Variants in NSMCE2 observed in about 807,000 individuals in gnomAD.
NSMCE2 encodes the protein NSE2 SUMO ligase component of SMC5/6 complex, also known as E3 SUMO-protein ligase NSE2.
NSMCE2 carries 24 observed loss-of-function variants against 23.8 expected under a neutral mutation model. That is an observed-to-expected ratio of 1.01 (90% CI 0.73 to 1.42). NSMCE2 has a LOEUF of 1.42. Ranked by LOEUF, NSMCE2 falls within the 40% of genes most tolerant of loss-of-function variation. The pLI, the probability that NSMCE2 is intolerant of heterozygous loss-of-function variation, is 0.00. For missense variants in NSMCE2, 284 were observed against 296.5 expected (o/e 0.96, Z 0.31); for synonymous variants, 92 against 94.1 (o/e 0.98, Z 0.13).
chr8:125,287,681 T>C (rs972618500), intron 5 of NSMCE2, among the ~76,000 whole-genome samples: 1 of 152,154 alleles, frequency 6.6e-6, no homozygotes. Context: ...GATTGTCCCG[T>C]GTCTAGCTAA....
chr8:125,296,072 G>A (rs1005253873), intron 5 of NSMCE2, among the ~76,000 whole-genome samples: 5 of 152,060 alleles, frequency 3.3e-5, no homozygotes, highest in African/African-American at 7.2e-5. Flanking sequence ...AAAAAAAATA[G>A]CTAGCACTTA....
At chr8:125,218,793 CA>C (rs1824717662) in intron 5 of NSMCE2, among the ~76,000 whole-genome samples, 2 of 152,038 alleles carry the variant, frequency 1.3e-5, no homozygotes, top group Non-Finnish European at 2.9e-5. Context: ...TGTTTCGCAA[CA>C]ACATGAATAA....
intron 4 of NSMCE2, among the ~76,000 whole-genome samples, chr8:125,162,516 A>G (rs573933427): frequency 9.9e-5 from 15 of 152,282 alleles, no homozygotes; most frequent in African/African-American, 3.4e-4. Context: ...TGCCCACTGA[A>G]TAGCTGTGTG....
At chr8:125,340,012 G>GTTTTTT (rs752038710) in intron 5 of NSMCE2, among the ~76,000 whole-genome samples, 20 of 102,850 alleles carry the variant, frequency 1.9e-4, no homozygotes, top group East Asian at 3.0e-4. Flanking sequence ...GTTTTTTTTT[G>GTTTTTT]TTTTTTTTTT....
chr8:125,156,202 T>G (rs1358975180), intron 4 of NSMCE2: 1 of 194,404 alleles, frequency 5.1e-6, no homozygotes, highest in African/African-American at 2.4e-5. Flanking sequence ...ATACTTCAGC[T>G]TTTATTGTTT....
At chr8:125,149,878 G>A (rs1281864536) in intron 3 of NSMCE2, among the ~76,000 whole-genome samples, 1 of 151,934 alleles carries the variant, frequency 6.6e-6, no homozygotes, top group Non-Finnish European at 1.5e-5. Flanking sequence ...TTTTGTTTCA[G>A]CCTTTTCTCC....
At position 125,242,104 on chromosome 8, in the gene NSMCE2, T is replaced by TG. The variant is rs944801179; in HGVS notation, c.418+59856dup. Among the ~76,000 whole-genome samples, 107 of 148,934 alleles carry TG rather than the reference T, an allele frequency of 7.2e-4. 1 individual carries two copies. The highest frequency in any genetic ancestry group is 3.5e-3 in the Middle Eastern group (1 of 286). ...AGTGTATCTCTATGTAAACAATAACTGGGGGGGGAGTTTGAGAACCACTGT... is the reference window on the plus strand; with the variant it reads ...AGTGTATCTCTATGTAAACAATAACTGGGGGGGGGAGTTTGAGAACCACTGT... On this transcript the variant is annotated intron_variant, in intron 5 of 7. Coordinates refer to ENST00000287437, the MANE Select transcript of NSMCE2 (RefSeq NM_173685.4).
At chr8:125,263,100 AT>A (rs1169208353) in intron 5 of NSMCE2, among the ~76,000 whole-genome samples, 1 of 152,210 alleles carries the variant, frequency 6.6e-6, no homozygotes, top group Non-Finnish European at 1.5e-5. Flanking sequence ...AGAAAATATT[AT>A]TCAATTTACA....
chr8:125,267,318 T>C (rs145057388), intron 5 of NSMCE2, among the ~76,000 whole-genome samples: 93 of 152,276 alleles, frequency 6.1e-4, no homozygotes, highest in African/African-American at 2.1e-3. Context: ...AGGGTACCTT[T>C]TCTAAATATA....
intron 3 of NSMCE2, 36 bp downstream of exon 3, chr8:125,102,523 G>C (rs1818246246): frequency 6.4e-7 from 1 of 1,561,350 alleles, no homozygotes; most frequent in South Asian, 1.1e-5. Context: ...TGTCTACTTT[G>C]AGGTAACACT....
intron 5 of NSMCE2, among the ~76,000 whole-genome samples, chr8:125,320,413 T>G (rs1829407017): frequency 6.6e-6 from 1 of 151,354 alleles, no homozygotes; most frequent in Non-Finnish European, 1.5e-5. Context: ...GAAAGATACA[T>G]GGGGAAAAAA....
At chr8:125,353,689 C>T (rs531050780) in intron 5 of NSMCE2, among the ~76,000 whole-genome samples, 13 of 151,694 alleles carry the variant, frequency 8.6e-5, no homozygotes, top group South Asian at 2.1e-4. Flanking sequence ...TCGAGACCAG[C>T]GTGGCCAACA....
intron 5 of NSMCE2, among the ~76,000 whole-genome samples, chr8:125,272,632 T>TGGGAGCTAGGCCAGGGTTGAA (rs1554629559): frequency 6.8e-6 from 1 of 148,090 alleles, no homozygotes; most frequent in African/African-American, 2.5e-5. Context: ...CTTAACACTT[T>TGGGAGCTAGGCCAGGGTTGAA]ATACTGCCAC....
chr8:125,202,410 C>G (rs1823926080), intron 5 of NSMCE2, among the ~76,000 whole-genome samples: 1 of 152,200 alleles, frequency 6.6e-6, no homozygotes, highest in Admixed American at 6.5e-5. Context: ...ATGTTGATAA[C>G]AGTGGTACAG....
chr8:125,275,189 T>C (rs16900500), intron 5 of NSMCE2, among the ~76,000 whole-genome samples: 17,089 of 151,842 alleles, frequency 0.11, 1,351 homozygotes, highest in African/African-American at 0.22. Flanking sequence ...TTCCTGTCCA[T>C]AGGAGAATGT....
rs184877734 is a variant in NSMCE2 at position 125,267,154 on chromosome 8, C to T, written c.418+84898C>T. 2.6e-3 allele frequency among the ~76,000 whole-genome samples: 393 copies of T among 151,798 alleles called. 3 individuals carry two copies. Among genetic ancestry groups the T allele is most frequent in the African/African-American group, 8.9e-3 (367 of 41,398 alleles). ...CAAGTAACTGGATTATATATAGGCA[C>T]GCACTGCCACGCCCGGTTAATTTTT... is the stretch of plus-strand genomic sequence containing the variant. On this transcript the variant is annotated intron_variant, in intron 5 of 7. Coordinates refer to ENST00000287437, the MANE Select transcript of NSMCE2 (RefSeq NM_173685.4).
intron 4 of NSMCE2, among the ~76,000 whole-genome samples, chr8:125,176,333 C>A (rs1355162984): frequency 6.6e-6 from 1 of 152,230 alleles, no homozygotes; most frequent in East Asian, 1.9e-4. Context: ...TTTGACAGAT[C>A]TCGAAATTCC....
intron 5 of NSMCE2, among the ~76,000 whole-genome samples, chr8:125,224,862 A>G (rs980845095): frequency 6.6e-6 from 1 of 152,204 alleles, no homozygotes; most frequent in Non-Finnish European, 1.5e-5. Context: ...TGCAGAGTCC[A>G]TGCCCTTTAC....
At chr8:125,337,428 T>C (rs1830093245) in intron 5 of NSMCE2, among the ~76,000 whole-genome samples, 1 of 152,244 alleles carries the variant, frequency 6.6e-6, no homozygotes, top group Non-Finnish European at 1.5e-5. Flanking sequence ...CTGCCATACT[T>C]GGGCAATTAT....
Sources: gnomAD v4.1 joint callset for allele counts (sites outside exome capture counted in the v4.1 genomes callset) on GRCh38, gnomAD v4.1.1 for gene constraint, MANE v1.5 for transcripts, NCBI Gene and HGNC (gene_info 2026-07-23, HGNC 2026-07-21) for gene names.